HJURP: variants seen among roughly 807,000 people sequenced by gnomAD.
HJURP encodes Holliday junction recognition protein.
Under a neutral mutation model 72.0 loss-of-function variants are expected in HJURP, and 49 were observed. That is an observed-to-expected ratio of 0.68 (90% CI 0.54 to 0.86). HJURP has a LOEUF of 0.86. Among genes scored for constraint, HJURP ranks in the 40% least tolerant of loss-of-function variants. HJURP has a pLI of 0.00. For missense variants in HJURP, 908 were observed against 936.3 expected (o/e 0.97, Z 0.39); for synonymous variants, 357 against 347.1 (o/e 1.03, Z -0.32).
At chr2:233,850,358 C>T (rs13392147) in intron 3 of HJURP, among the ~76,000 whole-genome samples, 3,610 of 152,268 alleles carry the variant, frequency 0.024, 130 homozygotes, top group African/African-American at 0.08. Context: ...CTTGTCCTGA[C>T]CAGGAGCTCA....
At chr2:233,848,211 G>C (rs1254947241) in intron 4 of HJURP, among the ~76,000 whole-genome samples, 1 of 152,108 alleles carries the variant, frequency 6.6e-6, no homozygotes, top group African/African-American at 2.4e-5. Context: ...GTGTCCAGGA[G>C]AGACAGGTGT....
Position 233,853,899 on chromosome 2 carries a change from G to A in HJURP, c.129C>T (p.Pro43=). ...TTTGCACCACCGGGGTGTCCTCGAA[G>A]GGCTGGTTGTACTGCGGAGGAGGAA... ...MQRLIEKYNQ[P]FEDTPVVQMA... is the part of the protein sequence containing the mutation. The change falls in exon 2 of 9, where the codon CCC becomes CCT. Residue 43 remains proline, a synonymous_variant. Transcript: ENST00000411486. 1 of 1,614,094 alleles carries A rather than the reference G, an allele frequency of 6.2e-7. No homozygotes were observed.
At chr2:233,848,097 C>T (rs1023148548) in intron 4 of HJURP, among the ~76,000 whole-genome samples, 3 of 152,084 alleles carry the variant, frequency 2.0e-5, no homozygotes, top group Admixed American at 2.0e-4. Context: ...TCTGAAAGAC[C>T]ACCAGCTTCC....
chr2:233,839,538 G>A (rs1705165301), intron 8 of HJURP, among the ~76,000 whole-genome samples: 1 of 152,248 alleles, frequency 6.6e-6, no homozygotes, highest in Middle Eastern at 3.2e-3. Context: ...GAGGCCGCTG[G>A]CGGTCTGAGA....
In HJURP at chr2:233,846,897, AC is replaced by A. The variant is rs1415173207; in HGVS notation, c.402+499del. On this transcript the variant is annotated intron_variant, in intron 5 of 8. Coordinates refer to ENST00000411486, the MANE Select transcript of HJURP (RefSeq NM_018410.5). This position sits in a 1 kb window ranked among gnomAD's most constrained non-coding sequence, Gnocchi z 4.3. ...CATAAGAAAACGGGTGGTTTCTGTG[AC>A]CCAGGGGGCACTCTGGGAAACAGAC... Among the ~76,000 whole-genome samples, 1 of 152,164 alleles carries A rather than the reference AC, an allele frequency of 6.6e-6. No individual in the cohort carries two copies. The highest frequency in any genetic ancestry group is 1.5e-5 in the Non-Finnish European group (1 of 68,026).
intron 3 of HJURP, 21 bp downstream of exon 3, chr2:233,852,544 A>G: frequency 1.3e-6 from 2 of 1,554,560 alleles, no homozygotes; most frequent in South Asian, 2.2e-5. Context: ...TTATTTGGCA[A>G]TAAAATTTGA....
At position 233,841,145 on chromosome 2, in the gene HJURP, C is replaced by T. The variant is rs1162720919; in HGVS notation, c.1635G>A (p.Gln545=). 8.1e-6 allele frequency: 13 copies of T among 1,614,158 alleles called. No homozygotes were observed. Among genetic ancestry groups the T allele is most frequent in the African/African-American group, 1.3e-5 (1 of 75,022 alleles). ...RPQQTSDLHV[Q]GNSSGIFRKS... Reference sequence around the variant, plus strand: ...TTCTAAATATTCCAGAACTATTTCCCTGAACGTGAAGGTCAGATGTCTGCT... The same window carrying T: ...TTCTAAATATTCCAGAACTATTTCCTTGAACGTGAAGGTCAGATGTCTGCT... Residue 545 remains glutamine (Q), a synonymous_variant, in exon 8 of 9, where the codon CAG becomes CAA. Transcript: ENST00000411486.
rs1705218664 is a variant in HJURP, at chr2:233,841,205, T to C, written c.1575A>G (p.Pro525=). 6.2e-7 allele frequency: 1 copy of C among 1,614,224 alleles called. No individual in the cohort carries two copies. Among genetic ancestry groups the C allele is most frequent in the Non-Finnish European group, 8.5e-7 (1 of 1,180,040 alleles). ...LPKSDSSSSL[P]KTNPTHSATR... is the part of the protein sequence containing the mutation. ...TTGCGCTGTGTGTGGGGTTGGTCTT[T>C]GGAAGTGATGAAGATGAATCGCTCT... The change falls in exon 8 of 9, where the codon CCA becomes CCG. Residue 525 remains proline, a synonymous_variant. Coordinates refer to ENST00000411486, the MANE Select transcript of HJURP (RefSeq NM_018410.5).
intron 5 of HJURP, 28 bp from the exon 6 acceptor site, chr2:233,845,848 T>G: frequency 6.7e-7 from 1 of 1,491,650 alleles, no homozygotes; most frequent in Non-Finnish European, 9.3e-7. Context: ...GTCAGAATTT[T>G]TAAGAGCTTC....
chr2:233,845,757 T>A lies in HJURP; in HGVS notation c.466A>T (p.Ile156Leu), dbSNP rs756302388. 1.2e-6 allele frequency: 2 copies of A among 1,612,064 alleles called. No homozygotes were observed. Among genetic ancestry groups the A allele is most frequent in the East Asian group, 4.5e-5 (2 of 44,858 alleles). ...LRRKYLTQVD[I>L]LLQGAEYFEC... ...AAATACTCTGCACCTTGTAGCAGTA[T>A]ATCCACTTGGGTCAAGTATTTCCTT... Residue 156 changes from isoleucine to leucine, a missense_variant, in exon 6 of 9, where the codon ATA becomes TTA. Physicochemically the swap from Ile to Leu is conservative, Grantham distance 5 (BLOSUM62 2). Transcript: ENST00000411486.
chr2:233,840,942 C>G lies in HJURP; in HGVS notation c.1838G>C (p.Ser613Thr). Reference sequence around the variant, plus strand: ...TTCTGTTTGATATCGAACTTCCATACTTGCTTTATCTGTAGACACTCCAAT... The same window carrying G: ...TTCTGTTTGATATCGAACTTCCATAGTTGCTTTATCTGTAGACACTCCAAT... The part of the protein sequence containing the change: ...LCIGVSTDKA[S>T]MEVRYQTEGF... Residue 613 changes from serine to threonine, a missense_variant, in exon 8 of 9, where the codon AGT becomes ACT. Around this residue, in one of 3 missense-constraint regions of HJURP, gnomAD observed 598 missense variants for 619.5 expected, o/e 0.97. Coordinates refer to ENST00000411486, the MANE Select transcript of HJURP (RefSeq NM_018410.5). 1 of 1,614,170 alleles carries G rather than the reference C, an allele frequency of 6.2e-7. No individual in the cohort carries two copies. Among genetic ancestry groups the G allele is most frequent in the Non-Finnish European group, 8.5e-7 (1 of 1,180,034 alleles).
chr2:233,840,055 T>C (rs3771340), intron 8 of HJURP, among the ~76,000 whole-genome samples: 42,676 of 151,326 alleles, frequency 0.28, 10,054 homozygotes, highest in African/African-American at 0.63. Context: ...CTAGCTGACA[T>C]GATTCGCACA....
At chr2:233,854,057 C>T in intron 1 of HJURP, 147 bp from the exon 2 acceptor site, 3 of 663,584 alleles carry the variant, frequency 4.5e-6, no homozygotes, top group Non-Finnish European at 7.9e-6. Flanking sequence ...CCCAACTCCG[C>T]CTCTCTCGTC....
intron 3 of HJURP, among the ~76,000 whole-genome samples, chr2:233,851,010 T>A (rs767730922): frequency 4.6e-5 from 7 of 152,222 alleles, no homozygotes; most frequent in Non-Finnish European, 1.0e-4. Flanking sequence ...TACAGTGAAG[T>A]CAGAGATGTC....
In HJURP at chr2:233,846,313, ATGG is replaced by A. The variant is rs1705361220; in HGVS notation, c.403-496_403-494del. ...ACTACAATACAAAAATTAGCTGGGC[ATGG>A]TGGTGGGCGCCTGTAGTCCCAGCTA... On this transcript the variant is annotated intron_variant, in intron 5 of 8. Coordinates refer to ENST00000411486, the MANE Select transcript of HJURP (RefSeq NM_018410.5). The surrounding 1 kb of genome is among the most constrained non-coding windows in gnomAD (Gnocchi z 4.3). Among the ~76,000 whole-genome samples the A allele has an allele frequency of 6.6e-6, 1 of 152,074 alleles. No homozygotes were observed. Among genetic ancestry groups the A allele is most frequent in the South Asian group, 2.1e-4 (1 of 4,824 alleles).
chr2:233,853,260 G>A (rs184574973), intron 2 of HJURP, among the ~76,000 whole-genome samples: 1 of 152,314 alleles, frequency 6.6e-6, no homozygotes, highest in Non-Finnish European at 1.5e-5. Flanking sequence ...GGGAGGAATT[G>A]ACCCCAGCCA....
intron 4 of HJURP, among the ~76,000 whole-genome samples, chr2:233,848,605 A>C (rs1307057607): frequency 6.6e-6 from 1 of 152,186 alleles, no homozygotes; most frequent in Admixed American, 6.5e-5. Context: ...GTTTCTGGCT[A>C]ACGCTAGAGG....
At position 233,845,817 on chromosome 2, in the gene HJURP, C is replaced by T. The variant is rs763383099; in HGVS notation, c.406G>A (p.Ala136Thr). The T allele has an allele frequency of 6.8e-6, 11 of 1,608,330 alleles. No homozygotes were observed. Among genetic ancestry groups the T allele is most frequent in the South Asian group, 1.1e-5 (1 of 90,526 alleles). Residue 136 changes from alanine to threonine, a missense_variant, in exon 6 of 9, where the codon GCA becomes ACA. Around this residue, in one of 3 missense-constraint regions of HJURP, gnomAD observed 299 missense variants for 286.7 expected, o/e 1.04. Coordinates refer to ENST00000411486, the MANE Select transcript of HJURP (RefSeq NM_018410.5). Reference protein sequence around the residue: ...EESVAWALAPAVPQSPLKNEL... With the variant: ...EESVAWALAPTVPQSPLKNEL... ...TTTTTCAAAGGGCTTTGAGGCACTG[C>T]AGGCTGATCAAAAAAGAGAAGTCAG...
intron 8 of HJURP, among the ~76,000 whole-genome samples, chr2:233,839,587 C>T (rs1379504672): frequency 6.6e-6 from 1 of 152,176 alleles, no homozygotes; most frequent in South Asian, 2.1e-4. Context: ...CTGCAGGCTT[C>T]GAAGGCAGGC....
Sources: allele counts gnomAD v4.1 joint callset (sites outside exome capture counted in the v4.1 genomes callset), GRCh38; gene constraint gnomAD v4.1.1; regional missense constraint gnomAD v4.1.1; non-coding constraint Gnocchi (gnomAD v3.1); transcripts MANE v1.5; gene names NCBI Gene and HGNC (gene_info 2026-07-23, HGNC 2026-07-21).